Variants in VEPH1 observed in about 807,000 individuals in gnomAD.
VEPH1 encodes ventricular zone-expressed PH domain-containing protein homolog 1.
VEPH1 carries 80 observed loss-of-function variants against 85.2 expected under a neutral mutation model. That is an observed-to-expected ratio of 0.94 (90% confidence interval 0.78 to 1.13). VEPH1 has a LOEUF of 1.13. Ranked by LOEUF, VEPH1 falls within the 50% of genes most tolerant of loss-of-function variation. The probability of loss-of-function intolerance (pLI) is 0.00; values close to 1 mark genes in which losing one functional copy is unlikely to be tolerated. For synonymous variants in VEPH1, 297 were observed against 348.0 expected (o/e 0.85, Z 1.63); for missense variants, 955 against 980.5 (o/e 0.97, Z 0.35).
chr3:157,351,357 A>G (rs1577412036), intron 9 of VEPH1, among the ~76,000 whole-genome samples: 2 of 152,084 alleles, frequency 1.3e-5, no homozygotes. Flanking sequence ...GAGGCAGGAG[A>G]ATCGCTTGAA....
chr3:157,424,704 A>C (rs1732620982), intron 5 of VEPH1, among the ~76,000 whole-genome samples: 1 of 152,190 alleles, frequency 6.6e-6, no homozygotes, highest in South Asian at 2.1e-4. Flanking sequence ...GGAACTTTGA[A>C]CTTGAGAGAG....
chr3:157,268,555 G>A (rs1316229199), intron 12 of VEPH1, among the ~76,000 whole-genome samples: 1 of 152,108 alleles, frequency 6.6e-6, no homozygotes, highest in Non-Finnish European at 1.5e-5. Context: ...TAACTTAGAA[G>A]ATTTAGATTT....
Position 157,363,655 on chromosome 3 carries a change from T to G in VEPH1, c.1444A>C (p.Ile482Leu). 7 of 1,614,172 alleles carry G rather than the reference T, an allele frequency of 4.3e-6. No individual in the cohort carries two copies. The highest frequency in any genetic ancestry group is 5.9e-6 in the Non-Finnish European group (7 of 1,180,024). ...TCATTTCCTTGGCCAAGTGGGTCTATTTCTGAAAGAGAGATGCTGGCTGGT... is the reference window on the plus strand; with the variant it reads ...TCATTTCCTTGGCCAAGTGGGTCTAGTTCTGAAAGAGAGATGCTGGCTGGT... ...DIPASISLSE[I>L]DPLGQGNDKL... The change falls in exon 9 of 14, where the codon ATA (isoleucine) becomes CTA (leucine). Residue 482 changes from isoleucine to leucine, a missense_variant. Ile to Leu is a conservative substitution (Grantham distance 5). Transcript: ENST00000362010.
chr3:157,276,157 A>G (rs542504166), intron 12 of VEPH1, among the ~76,000 whole-genome samples: 71 of 152,356 alleles, frequency 4.7e-4, no homozygotes, highest in African/African-American at 1.7e-3. Context: ...AGCCAAGCTA[A>G]GTTTGACAGC....
chr3:157,417,378 G>A (rs1473810337), intron 5 of VEPH1, among the ~76,000 whole-genome samples: 1 of 152,130 alleles, frequency 6.6e-6, no homozygotes, highest in East Asian at 1.9e-4. Context: ...ACTTTGTTCA[G>A]GCTGTAAACC....
At chr3:157,445,057 G>A (rs1376289071) in intron 4 of VEPH1, among the ~76,000 whole-genome samples, 2 of 152,034 alleles carry the variant, frequency 1.3e-5, no homozygotes, top group African/African-American at 2.4e-5. Context: ...TCTGACCAAC[G>A]CTGAAATATT....
intron 9 of VEPH1, among the ~76,000 whole-genome samples, chr3:157,340,611 G>T (rs1425848410): frequency 1.3e-5 from 2 of 152,198 alleles, no homozygotes; most frequent in Admixed American, 6.5e-5. Flanking sequence ...GGGCATAGCT[G>T]AACAAAAGGG....
At chr3:157,290,898 C>A (rs1008423299) in intron 11 of VEPH1, among the ~76,000 whole-genome samples, 1 of 152,146 alleles carries the variant, frequency 6.6e-6, no homozygotes, top group Non-Finnish European at 1.5e-5. Flanking sequence ...GAGAGATTTA[C>A]AACATCATTT....
At chr3:157,315,454 C>T (rs187457866) in intron 10 of VEPH1, among the ~76,000 whole-genome samples, 121 of 152,080 alleles carry the variant, frequency 8.0e-4, no homozygotes, top group Non-Finnish European at 8.4e-4. Flanking sequence ...TCAATCTAAA[C>T]AGGAGCATTT....
chr3:157,301,379 TTTTCC>T (rs947835140), intron 11 of VEPH1, among the ~76,000 whole-genome samples: 1 of 152,164 alleles, frequency 6.6e-6, no homozygotes, highest in African/African-American at 2.4e-5. Context: ...TTGTTTTGTT[TTTTCC>T]TGGGCCTGTT....
chr3:157,445,597 G>T (rs991390085), intron 4 of VEPH1, among the ~76,000 whole-genome samples: 2 of 152,170 alleles, frequency 1.3e-5, no homozygotes, highest in Non-Finnish European at 2.9e-5. Context: ...CTCCAGCCTG[G>T]CAACAGAGTG....
chr3:157,267,702 A>G (rs1344824158), intron 12 of VEPH1, among the ~76,000 whole-genome samples: 1 of 152,174 alleles, frequency 6.6e-6, no homozygotes, highest in East Asian at 1.9e-4. Context: ...TGGCAGGTGG[A>G]GGTTGCAGTG....
intron 3 of VEPH1, among the ~76,000 whole-genome samples, chr3:157,463,124 C>G (rs1736034131): frequency 6.6e-6 from 1 of 152,116 alleles, no homozygotes. Flanking sequence ...CAGTTATATT[C>G]CTAAAGATTT....
intron 9 of VEPH1, among the ~76,000 whole-genome samples, chr3:157,349,052 A>T (rs1270626717): frequency 6.6e-6 from 1 of 152,264 alleles, no homozygotes; most frequent in Non-Finnish European, 1.5e-5. Flanking sequence ...CTCAGCAAGA[A>T]AATAAAACTA....
chr3:157,481,433 AACACAC>A (rs1177654727), intron 2 of VEPH1, among the ~76,000 whole-genome samples: 2 of 38,670 alleles, frequency 5.2e-5, no homozygotes, highest in African/African-American at 1.3e-4. Context: ...TATGGAACCA[AACACAC>A]ACACACACAC....
chr3:157,463,519 T>C (rs1236533748), intron 3 of VEPH1, among the ~76,000 whole-genome samples: 1 of 152,142 alleles, frequency 6.6e-6, no homozygotes, highest in African/African-American at 2.4e-5. Flanking sequence ...CCCCTCCCAG[T>C]GAATTTAATT....
intron 12 of VEPH1, among the ~76,000 whole-genome samples, chr3:157,273,706 T>C (rs1047846627): frequency 3.3e-5 from 5 of 152,134 alleles, no homozygotes; most frequent in Admixed American, 2.6e-4. Flanking sequence ...TTGGGCACCA[T>C]GCAGAGTGGA....
chr3:157,475,497 A>G (rs1737384025), intron 2 of VEPH1, among the ~76,000 whole-genome samples: 2 of 152,294 alleles, frequency 1.3e-5, no homozygotes, highest in South Asian at 4.1e-4. Context: ...TTAAGTTTTG[A>G]AGTTCAAGAA....
intron 11 of VEPH1, among the ~76,000 whole-genome samples, chr3:157,306,397 G>C (rs1719512808): frequency 6.6e-6 from 1 of 152,006 alleles, no homozygotes; most frequent in Non-Finnish European, 1.5e-5. Context: ...TAACATTTAT[G>C]CTATCATAGT....
Sources: gnomAD v4.1 joint callset for allele counts (sites outside exome capture counted in the v4.1 genomes callset) on GRCh38, gnomAD v4.1.1 for gene constraint, MANE v1.5 for transcripts, NCBI Gene and HGNC (gene_info 2026-07-23, HGNC 2026-07-21) for gene names.